Variants in FBN1 observed in about 807,000 individuals in gnomAD.
FBN1 encodes fibrillin 1, also known as fibrillin-1.
In FBN1, 29 loss-of-function variants were observed where a neutral mutation model predicts 365.1. The observed-to-expected ratio is 0.08, with a 90% confidence interval of 0.06 to 0.11. The LOEUF (loss-of-function observed/expected upper bound fraction) is 0.11, where lower values mean the gene tolerates loss of function less well. FBN1 is among the 10% of genes least tolerant of loss of function. The probability of loss-of-function intolerance (pLI) is 1.00; values close to 1 mark genes in which losing one functional copy is unlikely to be tolerated. For missense variants in FBN1, 2,476 were observed against 3,703.2 expected (o/e 0.67, Z 8.60); for synonymous variants, 1,210 against 1,270.5 (o/e 0.95, Z 1.01).
chr15:48,434,610 T>A lies in FBN1; in HGVS notation c.6600A>T (p.Pro2200=). The A allele has an allele frequency of 6.2e-7, 1 of 1,613,814 alleles. No homozygotes were observed. Among genetic ancestry groups the A allele is most frequent in the Non-Finnish European group, 8.5e-7 (1 of 1,179,750 alleles). Residue 2200 remains proline, a synonymous_variant, in exon 54 of 66, where the codon CCA becomes CCT. Coordinates refer to ENST00000316623, the MANE Select transcript of FBN1 (RefSeq NM_000138.5). ...CTCEEGFEPG[P]MMTCEDINEC... is the part of the protein sequence containing the mutation. ...GAGATGTACCTTCACATGTCATCAT[T>A]GGACCGGGCTCAAATCCCTCCTCGC...
rs908341595 is a variant in FBN1 at position 48,412,380 on chromosome 15, C to T, written c.8226+189G>A. 2.0e-5 allele frequency among the ~76,000 whole-genome samples: 3 copies of T among 152,154 alleles called. No individual in the cohort carries two copies. In the East Asian group the frequency reaches 5.8e-4, roughly 29 times the overall value. On this transcript the variant is annotated intron_variant, in intron 65 of 65. Coordinates refer to ENST00000316623, the MANE Select transcript of FBN1 (RefSeq NM_000138.5). ...GTGAAAACCTTCAAATGGCCACTCC[C>T]GAAAAGCAGCAAGAAACTCCAGAAA...
intron 2 of FBN1, among the ~76,000 whole-genome samples, chr15:48,628,473 A>C (rs189408098): frequency 1.6e-4 from 24 of 152,292 alleles, no homozygotes; most frequent in African/African-American, 5.3e-4. Flanking sequence ...AAATAAAAAC[A>C]CATTGAGTGC....
chr15:48,643,783 AACAACTGCAG>A (rs998281736), intron 2 of FBN1: 7 of 152,186 alleles, frequency 4.6e-5, no homozygotes, highest in African/African-American at 1.7e-4. Context: ...CTTTAACTTA[AACAACTGCAG>A]ACAAATTTCT....
Position 48,484,001 on chromosome 15 carries a change from A to G in FBN1, c.3713-58T>C, listed in dbSNP as rs575642327. The G allele has an allele frequency of 2.0e-5, 32 of 1,578,922 alleles. No individual in the cohort carries two copies. The African/African-American group carries it at 4.3e-4, about 21-fold the overall frequency. ...TTGATATTGGTTCCACTGTTCAGTG[A>G]GAAAACATTAACTGACCGCAGTCAA... On this transcript the variant is annotated intron_variant, in intron 30 of 65. Transcript: ENST00000316623.
chr15:48,585,522 A>T (rs950752138), intron 6 of FBN1, among the ~76,000 whole-genome samples: 2 of 152,252 alleles, frequency 1.3e-5, no homozygotes, highest in African/African-American at 2.4e-5. Flanking sequence ...CTTTTCTTAG[A>T]ATGTTGGATT....
intron 34 of FBN1, 90 bp downstream of exon 34, chr15:48,474,164 AG>A: frequency 6.4e-7 from 1 of 1,569,612 alleles, no homozygotes; most frequent in East Asian, 2.2e-5. Context: ...TAACTGACCC[AG>A]TCTTCAAAAA....
intron 36 of FBN1, among the ~76,000 whole-genome samples, chr15:48,469,079 A>AATAT (rs1555397268): frequency 1.0e-5 from 1 of 98,868 alleles, no homozygotes; most frequent in African/African-American, 4.4e-5. Flanking sequence ...AAAAAAAAAA[A>AATAT]ATATATATAT....
At chr15:48,434,303 G>T (rs770730439) in intron 54 of FBN1, among the ~76,000 whole-genome samples, 2 of 152,104 alleles carry the variant, frequency 1.3e-5, no homozygotes, top group Non-Finnish European at 2.9e-5. Flanking sequence ...AAGAAAGAAG[G>T]TATTAAACAA....
In FBN1 at chr15:48,474,393, T is replaced by C; in HGVS notation, c.4088-16A>G. On this transcript the variant is annotated splice_polypyrimidine_tract_variant and intron_variant, in intron 33 of 65. Coordinates refer to ENST00000316623, the MANE Select transcript of FBN1 (RefSeq NM_000138.5). ...TCGTCCAGATCTTATAGAAAAAGGT[T>C]ATATCATTATTAACAGAAAGGGTGG... 1 of 1,614,068 alleles carries C rather than the reference T, an allele frequency of 6.2e-7. No homozygotes were observed.
chr15:48,610,991 C>T (rs1460549564), intron 3 of FBN1, among the ~76,000 whole-genome samples, 165 bp from the exon 4 acceptor site: 5 of 152,028 alleles, frequency 3.3e-5, no homozygotes, highest in Admixed American at 3.3e-4. Flanking sequence ...CAAAACAAGT[C>T]TATTGAACTA....
At chr15:48,542,661 C>A (rs1408595473) in intron 6 of FBN1, among the ~76,000 whole-genome samples, 1 of 151,992 alleles carries the variant, frequency 6.6e-6, no homozygotes, top group Non-Finnish European at 1.5e-5. Flanking sequence ...TGCCTGGGTC[C>A]CACCCTGTCC....
At chr15:48,449,906 A>C (rs1448901384) in intron 45 of FBN1, among the ~76,000 whole-genome samples, 1 of 152,188 alleles carries the variant, frequency 6.6e-6, no homozygotes, top group Non-Finnish European at 1.5e-5. Flanking sequence ...TCCCTGTGCC[A>C]GAATCATGGA....
intron 4 of FBN1, among the ~76,000 whole-genome samples, chr15:48,601,877 T>G (rs1015271074): frequency 6.6e-6 from 1 of 152,210 alleles, no homozygotes; most frequent in East Asian, 1.9e-4. Flanking sequence ...TCTACTGAAC[T>G]AGAGCCACCT....
In FBN1 at chr15:48,446,838, G is replaced by C; in HGVS notation, c.5672-16C>G. ...TCATTTATGTCTAGTAGGAAGAAAG[G>C]CCATAAAGAAACATAATTATAAGTA... On this transcript the variant is annotated splice_polypyrimidine_tract_variant and intron_variant, in intron 46 of 65. Transcript: ENST00000316623. 1 of 1,510,442 alleles carries C rather than the reference G, an allele frequency of 6.6e-7. No individual in the cohort carries two copies. Among genetic ancestry groups the C allele is most frequent in the Non-Finnish European group, 9.2e-7 (1 of 1,085,968 alleles). The allele number at this position is 1,510,442 out of a possible 1,614,324, so 93.6% of individuals were successfully genotyped here. A position where few individuals can be genotyped will look rare whatever the true frequency, so the allele number is the denominator to read the frequency against.
intron 7 of FBN1, among the ~76,000 whole-genome samples, chr15:48,536,674 G>A (rs973383398): frequency 6.6e-6 from 1 of 152,176 alleles, no homozygotes; most frequent in Non-Finnish European, 1.5e-5. Context: ...TGTTGTACAT[G>A]GGAGCTGAAG....
intron 15 of FBN1, 140 bp downstream of exon 15, chr15:48,508,439 AAGG>A: frequency 1.1e-6 from 1 of 948,758 alleles, no homozygotes; most frequent in South Asian, 1.4e-5. Flanking sequence ...TGGATTTAAG[AAGG>A]AGTTTCAGTC....
At position 48,479,242 on chromosome 15, in the gene FBN1, C is replaced by G. The variant is rs148005161; in HGVS notation, c.3964+2413G>C. ...CATGGCATTCAAAAAACATTTTGCC[C>G]CAGATTTTTAAAAACACGTTTTCAA... On this transcript the variant is annotated intron_variant, in intron 32 of 65. Coordinates refer to ENST00000316623, the MANE Select transcript of FBN1 (RefSeq NM_000138.5). 1.1e-3 allele frequency among the ~76,000 whole-genome samples: 175 copies of G among 152,248 alleles called. 1 individual carries two copies. The highest frequency in any genetic ancestry group is 4.0e-3 in the African/African-American group (167 of 41,552).
rs1555394570 is a variant in FBN1, at chr15:48,427,687, C to G, written c.7084G>C (p.Glu2362Gln). The G allele has an allele frequency of 2.5e-6, 4 of 1,614,102 alleles. No individual in the cohort carries two copies. The highest frequency in any genetic ancestry group is 2.5e-6 in the Non-Finnish European group (3 of 1,179,992). Residue 2362 changes from glutamate (E) to glutamine (Q), a missense_variant, in exon 58 of 66, where the codon GAA becomes CAA. By Grantham distance (29) the Glu-to-Gln change is conservative (BLOSUM62 2). Around this residue, in one of 5 missense-constraint regions of FBN1, gnomAD observed 1,780 missense variants for 2,840.8 expected, o/e 0.63. Coordinates refer to ENST00000316623, the MANE Select transcript of FBN1 (RefSeq NM_000138.5). ...SSNRNPVTKS[E>Q]CCCDGGRGWG... Reference sequence around the variant, plus strand: ...CCTCTCCCTCCGTCACAGCAGCATTCCGATTTGGTGACGGGGTTCCTGTTG... The same window carrying G: ...CCTCTCCCTCCGTCACAGCAGCATTGCGATTTGGTGACGGGGTTCCTGTTG...
At position 48,589,682 on chromosome 15, in the gene FBN1, C is replaced by T. The variant is rs559069595; in HGVS notation, c.538+6601G>A. ...AGGCTGGAGTGCAGTGGCGTGATCT[C>T]GGCTCACTGCAAGCTCCACCTCCTG... On this transcript the variant is annotated intron_variant, in intron 6 of 65. Transcript: ENST00000316623. Among the ~76,000 whole-genome samples, 22 of 138,818 alleles carry T rather than the reference C, an allele frequency of 1.6e-4. 1 individual carries two copies. The highest frequency in any genetic ancestry group is 2.8e-4 in the Non-Finnish European group (19 of 67,086). 91.1% of individuals were successfully genotyped at this position (138,818 alleles called of 152,430 possible). A position where few individuals can be genotyped will look rare whatever the true frequency, so the allele number is the denominator to read the frequency against.
Sources: allele counts gnomAD v4.1 joint callset (sites outside exome capture counted in the v4.1 genomes callset), GRCh38; gene constraint gnomAD v4.1.1; regional missense constraint gnomAD v4.1.1; transcripts MANE v1.5; gene names NCBI Gene and HGNC (gene_info 2026-07-23, HGNC 2026-07-21).